The following FSIP1 variants were observed in gnomAD, a reference collection of about 807,000 sequenced individuals.
FSIP1 encodes the protein fibrous sheath interacting protein 1, also known as fibrous sheath-interacting protein 1.
FSIP1 carries 65 observed loss-of-function variants against 60.9 expected under a neutral mutation model. The observed-to-expected ratio is 1.07, with a 90% confidence interval of 0.87 to 1.31. The LOEUF (loss-of-function observed/expected upper bound fraction) is 1.31. FSIP1 is among the 40% of genes most tolerant of loss of function. The probability of loss-of-function intolerance (pLI) is 0.00; values close to 1 mark genes in which losing one functional copy is unlikely to be tolerated. For missense variants in FSIP1, 675 were observed against 665.5 expected, an observed-to-expected ratio of 1.01 and a Z score of -0.16; for synonymous variants, 209 against 221.2, an observed-to-expected ratio of 0.94 and a Z score of 0.49.
chr15:39,647,431 G>A (rs1355621700), intron 10 of FSIP1, among the ~76,000 whole-genome samples: 1 of 151,968 alleles, frequency 6.6e-6, no homozygotes, highest in Non-Finnish European at 1.5e-5. Flanking sequence ...AAAAACAAAA[G>A]CCCTGTGGAT....
In FSIP1 at chr15:39,604,204, T is replaced by C. The variant is rs371125274; in HGVS notation, c.1700-3278A>G. Among the ~76,000 whole-genome samples, 3 of 152,358 alleles carry C rather than the reference T, an allele frequency of 2.0e-5. No individual in the cohort carries two copies. The South Asian group carries it at 6.2e-4, about 32-fold the overall frequency. Reference sequence around the variant, plus strand: ...CCTGGGCCTCCCAAAGTGCTGGGATTACAGGCGTGAGCCACAGTGCCCGGC... The same window carrying C: ...CCTGGGCCTCCCAAAGTGCTGGGATCACAGGCGTGAGCCACAGTGCCCGGC... On this transcript the variant is annotated intron_variant, in intron 11 of 11. Transcript: ENST00000350221.
At chr15:39,742,043 G>A (rs2140645318) in intron 5 of FSIP1, 143 bp from the exon 6 acceptor site, 1 of 547,400 alleles carries the variant, frequency 1.8e-6, no homozygotes, top group Non-Finnish European at 3.3e-6. Flanking sequence ...TTAAGACAAT[G>A]TTAATGTCAC....
intron 10 of FSIP1, among the ~76,000 whole-genome samples, chr15:39,695,551 C>T (rs989534033): frequency 6.6e-6 from 1 of 152,032 alleles, no homozygotes; most frequent in Non-Finnish European, 1.5e-5. Context: ...TTTTCACAGT[C>T]AAATTCAATA....
Position 39,721,408 on chromosome 15 carries a change from G to A in FSIP1, c.1050+5181C>T, listed in dbSNP as rs532721874. 6.6e-5 allele frequency among the ~76,000 whole-genome samples: 10 copies of A among 152,194 alleles called. No homozygotes were observed. In the South Asian group the frequency reaches 1.9e-3, roughly 28 times the overall value. On this transcript the variant is annotated intron_variant, in intron 9 of 11. Coordinates refer to ENST00000350221, the MANE Select transcript of FSIP1 (RefSeq NM_152597.5). ...TAACCTTTCCTTTCTCTGTGCTCCC[G>A]CAGCATACACTTTCCGTACTTTTCA...
intron 10 of FSIP1, among the ~76,000 whole-genome samples, chr15:39,673,342 C>G (rs1413242470): frequency 6.6e-6 from 1 of 152,154 alleles, no homozygotes; most frequent in East Asian, 1.9e-4. Context: ...GAGCCAGGGT[C>G]TCACTTGGTC....
chr15:39,600,970 T>C, intron 11 of FSIP1, 44 bp from the exon 12 acceptor site: 2 of 1,478,620 alleles, frequency 1.4e-6, no homozygotes, highest in Non-Finnish European at 1.9e-6. Context: ...GATTCAGAAA[T>C]GTATGCATAA....
At chr15:39,695,403 C>A (rs1473154173) in intron 10 of FSIP1, among the ~76,000 whole-genome samples, 1 of 151,768 alleles carries the variant, frequency 6.6e-6, no homozygotes, top group African/African-American at 2.4e-5. Context: ...AGTTTTCTTG[C>A]CAAAGTATCA....
rs775066936 is a variant in FSIP1, at chr15:39,765,793, A to G, written c.311-47T>C. On this transcript the variant is annotated intron_variant, in intron 3 of 11. Transcript: ENST00000350221. ...AATAGGTTTGAAGTATAGTAAAACT[A>G]TAAAGTTTTGTTTTGTTCTTACAAT... The G allele has an allele frequency of 8.2e-6, 9 of 1,096,652 alleles. No individual in the cohort carries two copies. In the South Asian group the frequency reaches 1.3e-4, roughly 16 times the overall value. The allele number at this position is 1,096,652 out of a possible 1,614,324, so 67.9% of individuals were successfully genotyped here. A position where few individuals can be genotyped will look rare whatever the true frequency, so the allele number is the denominator to read the frequency against.
intron 10 of FSIP1, among the ~76,000 whole-genome samples, chr15:39,652,435 A>G (rs1892908239): frequency 6.6e-6 from 1 of 152,258 alleles, no homozygotes; most frequent in Admixed American, 6.5e-5. Context: ...CTGTATTTAT[A>G]GAAGCAAGTT....
chr15:39,699,258 G>A (rs1259721477), intron 10 of FSIP1, among the ~76,000 whole-genome samples: 1 of 152,180 alleles, frequency 6.6e-6, no homozygotes, highest in African/African-American at 2.4e-5. Context: ...TGGATTTGCA[G>A]TTGTTAATGT....
chr15:39,729,785 G>T (rs978037738), intron 8 of FSIP1, among the ~76,000 whole-genome samples: 1 of 152,104 alleles, frequency 6.6e-6, no homozygotes, highest in Non-Finnish European at 1.5e-5. Flanking sequence ...AATAACACAG[G>T]AATGAAAACT....
chr15:39,684,605 G>A lies in FSIP1; in HGVS notation c.1188+28839C>T, dbSNP rs557932811. On this transcript the variant is annotated intron_variant, in intron 10 of 11. Coordinates refer to ENST00000350221, the MANE Select transcript of FSIP1 (RefSeq NM_152597.5). ...TGCTTTAAAAATAAATTTTATTTTA[G>A]AATGTCAAATCCTAAAATAGAATGT... Among the ~76,000 whole-genome samples, 9 of 152,254 alleles carry A rather than the reference G, an allele frequency of 5.9e-5. No individual in the cohort carries two copies. In the East Asian group the frequency reaches 1.3e-3, roughly 23 times the overall value.
At chr15:39,639,542 A>C (rs982173304) in intron 10 of FSIP1, among the ~76,000 whole-genome samples, 1 of 152,214 alleles carries the variant, frequency 6.6e-6, no homozygotes, top group Non-Finnish European at 1.5e-5. Flanking sequence ...ACTACATACA[A>C]TATATTTTGT....
intron 8 of FSIP1, among the ~76,000 whole-genome samples, chr15:39,727,898 G>A (rs1896257979): frequency 6.6e-6 from 1 of 152,098 alleles, no homozygotes; most frequent in South Asian, 2.1e-4. Context: ...CATAGTCTCT[G>A]ATCAAAACCT....
chr15:39,677,621 A>G (rs1893993565), intron 10 of FSIP1, among the ~76,000 whole-genome samples: 1 of 152,204 alleles, frequency 6.6e-6, no homozygotes, highest in African/African-American at 2.4e-5. Flanking sequence ...TTGTTAGAGT[A>G]TTATATCTAA....
intron 9 of FSIP1, 92 bp downstream of exon 9, chr15:39,726,497 G>A: frequency 1.5e-6 from 2 of 1,334,406 alleles, no homozygotes; most frequent in Non-Finnish European, 2.1e-6. Context: ...TATGATCACT[G>A]GAAAAAGCAA....
intron 10 of FSIP1, among the ~76,000 whole-genome samples, chr15:39,709,935 G>A (rs1021006479): frequency 2.4e-4 from 37 of 152,148 alleles, no homozygotes; most frequent in Non-Finnish European, 4.1e-4. Flanking sequence ...TGGCCCAGGC[G>A]TGGGGGACCC....
At chr15:39,745,558 G>A (rs1369614925) in intron 5 of FSIP1, among the ~76,000 whole-genome samples, 3 of 152,134 alleles carry the variant, frequency 2.0e-5, no homozygotes, top group East Asian at 1.9e-4. Flanking sequence ...GAGTCTATCT[G>A]TGCAGCTCAG....
At chr15:39,634,536 C>T (rs1281888833) in intron 10 of FSIP1, among the ~76,000 whole-genome samples, 1 of 152,216 alleles carries the variant, frequency 6.6e-6, no homozygotes, top group Non-Finnish European at 1.5e-5. Context: ...GCATATTATA[C>T]ATTTCATAAC....
Sources: allele counts gnomAD v4.1 joint callset (sites outside exome capture counted in the v4.1 genomes callset), GRCh38; gene constraint gnomAD v4.1.1; transcripts MANE v1.5; gene names NCBI Gene and HGNC (gene_info 2026-07-23, HGNC 2026-07-21).